The following TTN variants were observed in gnomAD, a reference collection of about 807,000 sequenced individuals.
TTN encodes the protein connectin.
In TTN, 1,525 loss-of-function variants were observed where a neutral mutation model predicts 3,223.0. That is an observed-to-expected ratio of 0.47 (90% CI 0.45 to 0.49). The LOEUF is 0.49. TTN is among the 20% of genes least tolerant of loss of function. The probability of loss-of-function intolerance (pLI) is 0.00; values close to 1 mark genes in which losing one functional copy is unlikely to be tolerated. For synonymous variants in TTN, 14,094 were observed against 15,161.0 expected, an observed-to-expected ratio of 0.93 and a Z score of 5.17; for missense variants, 40,786 against 43,424.0, an observed-to-expected ratio of 0.94 and a Z score of 5.40.
chr2:178,693,758 C>T (rs2073035501), intron 118 of TTN, 69 bp from the exon 119 acceptor site: 2 of 1,319,956 alleles, frequency 1.5e-6, no homozygotes, highest in Non-Finnish European at 2.1e-6. Flanking sequence ...TTACAAAGAA[C>T]ATTAAAATAA....
chr2:178,717,478 C>A (rs1250312013), intron 87 of TTN, 45 bp downstream of exon 87: 1 of 1,563,058 alleles, frequency 6.4e-7, no homozygotes, highest in Non-Finnish European at 8.7e-7. Flanking sequence ...TGGCCTGGAG[C>A]AGTGAAGCTG....
In TTN at chr2:178,651,482, G is replaced by A. The variant is rs772628690; in HGVS notation, c.39518C>T (p.Pro13173Leu). The A allele has an allele frequency of 6.2e-7, 1 of 1,611,906 alleles. No individual in the cohort carries two copies. The highest frequency in any genetic ancestry group is 1.1e-5 in the South Asian group (1 of 90,738). Reference protein sequence around the residue: ...VPEKKVPLVVPKKPEAPPAKV... With the variant: ...VPEKKVPLVVLKKPEAPPAKV... Reference sequence around the variant, plus strand: ...AGCAGGTGGGGCTTCTGGCTTTTTGGGAACCACCAGAGGCACCTTCTTTTC... The same window carrying A: ...AGCAGGTGGGGCTTCTGGCTTTTTGAGAACCACCAGAGGCACCTTCTTTTC... Residue 13173 changes from proline to leucine, a missense_variant, in exon 207 of 363, where the codon CCC (proline) becomes CTC (leucine). Coordinates refer to ENST00000589042, the MANE Select transcript of TTN (RefSeq NM_001267550.2).
chr2:178,679,553 A>G, intron 141 of TTN, 46 bp downstream of exon 141: 1 of 1,591,480 alleles, frequency 6.3e-7, no homozygotes, highest in Non-Finnish European at 8.5e-7. Context: ...AACTATTTCT[A>G]GGCAGATGAA....
intron 47 of TTN, among the ~76,000 whole-genome samples, chr2:178,743,851 T>A (rs2082938515): frequency 6.6e-6 from 1 of 152,034 alleles, no homozygotes; most frequent in Non-Finnish European, 1.5e-5. Flanking sequence ...ACAGATATTG[T>A]GTGCTCACTG....
In TTN at chr2:178,617,838, C is replaced by T. The variant is rs199640194; in HGVS notation, c.47513G>A (p.Arg15838Gln). The T allele has an allele frequency of 4.7e-4, 752 of 1,612,424 alleles. 1 individual carries two copies. Among genetic ancestry groups the T allele is most frequent in the Non-Finnish European group, 5.8e-4 (682 of 1,179,062 alleles). ...TGCACTTGGTTTTCCAACTCCAATT[C>T]GATTTTGGGCTCTCACTCGGAAACT... ...EYSFRVRAQN[R>Q]IGVGKPSAAT... is the part of the protein sequence containing the mutation. Residue 15838 changes from arginine (R) to glutamine (Q), a missense_variant, in exon 253 of 363, where the codon CGA becomes CAA. Coordinates refer to ENST00000589042, the MANE Select transcript of TTN (RefSeq NM_001267550.2).
At position 178,776,785 on chromosome 2, in the gene TTN, A is replaced by T; in HGVS notation, c.5079T>A (p.Asp1693Glu). The T allele has an allele frequency of 6.2e-7, 1 of 1,614,082 alleles. No individual in the cohort carries two copies. The highest frequency in any genetic ancestry group is 8.5e-7 in the Non-Finnish European group (1 of 1,180,018). Residue 1693 changes from aspartate (D) to glutamate (E), a missense_variant, in exon 28 of 363, where the codon GAT becomes GAA. Asp to Glu is a conservative substitution (Grantham distance 45). Coordinates refer to ENST00000589042, the MANE Select transcript of TTN (RefSeq NM_001267550.2). ...TCTGTTGTTTCTCTTTGTCATAGAG[A>T]TCACCTTCTTCCCATTGCTCTTGGC... ...RYGQEQWEEG[D>E]LYDKEKQQKP...
rs2061567845 is a variant in TTN, at chr2:178,644,032, C to T, written c.40477+516G>A. On this transcript the variant is annotated intron_variant, in intron 218 of 362. Transcript: ENST00000589042. Reference sequence around the variant, plus strand: ...TACCTACAGTAATAAGGAAATTTTTCTGAAATGTGAGTTCCGTACCCCTCA... The same window carrying T: ...TACCTACAGTAATAAGGAAATTTTTTTGAAATGTGAGTTCCGTACCCCTCA... Among the ~76,000 whole-genome samples, 3 of 152,002 alleles carry T rather than the reference C, an allele frequency of 2.0e-5. No homozygotes were observed. In the South Asian group the frequency reaches 6.2e-4, roughly 32 times the overall value.
In TTN at chr2:178,608,799, G is replaced by A. The variant is rs1185339420; in HGVS notation, c.52212C>T (p.Tyr17404=). 2.5e-6 allele frequency: 4 copies of A among 1,612,464 alleles called. No homozygotes were observed. Among genetic ancestry groups the A allele is most frequent in the Admixed American group, 3.3e-5 (2 of 59,914 alleles). ...LDDGGSEIIN[Y]TLEKKDKTKP... is the part of the protein sequence containing the mutation. ...TTGTCTTGTCTTTCTTTTCCAAAGT[G>A]TAGTTTATGATTTCACTGCCACCAT... Residue 17404 remains tyrosine, a synonymous_variant, in exon 274 of 363, where the codon TAC becomes TAT. Transcript: ENST00000589042.
chr2:178,641,679 A>T (rs182131362), intron 219 of TTN, among the ~76,000 whole-genome samples: 6 of 152,052 alleles, frequency 3.9e-5, no homozygotes, highest in Admixed American at 3.3e-4. Context: ...AAGTTTACTT[A>T]AGCAGAGATA....
chr2:178,592,318 C>T, intron 301 of TTN, 41 bp from the exon 302 acceptor site: 1 of 1,598,908 alleles, frequency 6.3e-7, no homozygotes, highest in South Asian at 1.1e-5. Flanking sequence ...TAATTTTATC[C>T]ATATAAGAGC....
rs750460710 is a variant in TTN at position 178,572,950 on chromosome 2, T to C, written c.73182A>G (p.Glu24394=). The C allele has an allele frequency of 1.2e-6, 2 of 1,613,270 alleles. No homozygotes were observed. Among genetic ancestry groups the C allele is most frequent in the Admixed American group, 1.7e-5 (1 of 59,980 alleles). The change falls in exon 326 of 363, where the codon GAA becomes GAG. Residue 24394 remains glutamate, a synonymous_variant. Coordinates refer to ENST00000589042, the MANE Select transcript of TTN (RefSeq NM_001267550.2). ...TCATGGCATAGATGCGGATCTTATA[T>C]TCCTGATTCTCTGTGAGGCCAGTGA... is the stretch of plus-strand genomic sequence containing the variant. ...YTITGLTENQ[E]YKIRIYAMNS... is the part of the protein sequence containing the mutation.
At position 178,592,094 on chromosome 2, in the gene TTN, A is replaced by G. The variant is rs2050339836; in HGVS notation, c.59810T>C (p.Phe19937Ser). 6.2e-7 allele frequency: 1 copy of G among 1,612,938 alleles called. No individual in the cohort carries two copies. Among genetic ancestry groups the G allele is most frequent in the Admixed American group, 1.7e-5 (1 of 59,892 alleles). The change falls in exon 302 of 363, where the codon TTC becomes TCC. Residue 19937 changes from phenylalanine to serine, a missense_variant. Transcript: ENST00000589042. ...GTTGCCTTCATTCAGATGCTTAGCG[A>G]AGTGACTCTTTTTCTTTGATGTAGC... ...LSATSKKKSHFAKHLNEGNQY... is the reference protein window; with the variant it reads ...LSATSKKKSHSAKHLNEGNQY...
intron 148 of TTN, 82 bp from the exon 149 acceptor site, chr2:178,675,836 T>C: frequency 6.5e-7 from 1 of 1,535,994 alleles, no homozygotes; most frequent in Non-Finnish European, 8.8e-7. Context: ...TAAGTTGTAT[T>C]AACAAATACG....
chr2:178,635,814 C>T (rs891218853), intron 226 of TTN, 99 bp from the exon 227 acceptor site: 21 of 1,517,000 alleles, frequency 1.4e-5, no homozygotes, highest in Non-Finnish European at 1.9e-5. Flanking sequence ...TTTCACAATA[C>T]TGGGCATAAT....
chr2:178,651,631 T>G, intron 206 of TTN, 35 bp downstream of exon 206: 1 of 1,612,336 alleles, frequency 6.2e-7, no homozygotes. Flanking sequence ...TCAAAGAAAG[T>G]TTTTTGTTAG....
In TTN at chr2:178,548,041, A is replaced by G. The variant is rs754614591; in HGVS notation, c.93585T>C (p.Ser31195=). 5.6e-6 allele frequency: 9 copies of G among 1,613,794 alleles called. No homozygotes were observed. The Admixed American group carries it at 1.2e-4, about 21-fold the overall frequency. ...CAGAAGAGAAGGCTTCTCTGGGTTC[A>G]CTATAGCCAGCATCATTCTTGGCCT... The part of the protein sequence containing the change: ...RVKAKNDAGY[S]EPREAFSSVI... Residue 31195 remains serine (S), a synonymous_variant, in exon 339 of 363, where the codon AGT becomes AGC. Transcript: ENST00000589042. This position sits in a 1 kb window ranked among gnomAD's most constrained non-coding sequence, Gnocchi z 4.3.
At chr2:178,749,386 A>T (rs1405660007) in intron 47 of TTN, 1 of 1,613,044 alleles carries the variant, frequency 6.2e-7, no homozygotes, top group Non-Finnish European at 8.5e-7. Context: ...TTGAAGCACC[A>T]TGCACAAATC....
In TTN at chr2:178,714,990, G is replaced by A. The variant is rs1271631454; in HGVS notation, c.26196C>T (p.Leu8732=). ...AGTGAATGCAGTCCATCTAACCTTT[G>A]AGAGCGATGGAACCAACGCAAGTGT... ...GSDTCVGSIA[L]KAPPRFVKKL... The change falls in exon 90 of 363, where the codon CTC becomes CTT. Residue 8732 remains leucine (L), a synonymous_variant. Transcript: ENST00000589042. 1.2e-6 allele frequency: 2 copies of A among 1,605,904 alleles called. No homozygotes were observed. The highest frequency in any genetic ancestry group is 2.2e-5 in the South Asian group (2 of 89,188).
chr2:178,647,341 C>T, intron 214 of TTN, 40 bp downstream of exon 214: 1 of 1,540,240 alleles, frequency 6.5e-7, no homozygotes, highest in Non-Finnish European at 8.8e-7. Context: ...AGGATGAAGA[C>T]AATTGTCATC....
Sources: allele counts gnomAD v4.1 joint callset (sites outside exome capture counted in the v4.1 genomes callset), GRCh38; gene constraint gnomAD v4.1.1; non-coding constraint Gnocchi (gnomAD v3.1); transcripts MANE v1.5; gene names NCBI Gene and HGNC (gene_info 2026-07-23, HGNC 2026-07-21).